The following SEMA6D variants were observed in gnomAD, a reference collection of about 807,000 sequenced individuals.
The protein encoded by SEMA6D is semaphorin-6D.
In SEMA6D, 35 loss-of-function variants were observed where a neutral mutation model predicts 106.6. That is an observed-to-expected ratio of 0.33 (90% CI 0.25 to 0.44). The LOEUF (loss-of-function observed/expected upper bound fraction) is 0.44, where lower values mean the gene tolerates loss of function less well. Ranked by LOEUF, SEMA6D falls within the 20% of genes least tolerant of loss-of-function variation. The probability of loss-of-function intolerance (pLI) is 1.00; values close to 1 mark genes in which losing one functional copy is unlikely to be tolerated. For missense variants in SEMA6D, 1,185 were observed against 1,345.9 expected (o/e 0.88, Z 1.87); for synonymous variants, 499 against 487.7 (o/e 1.02, Z -0.31).
At chr15:47,589,965 A>G (rs76317937) in intron 3 of SEMA6D, among the ~76,000 whole-genome samples, 1 of 152,126 alleles carries the variant, frequency 6.6e-6, no homozygotes, top group African/African-American at 2.4e-5. Flanking sequence ...ATGGTTCTAG[A>G]TTGGGGTCTG....
intron 3 of SEMA6D, among the ~76,000 whole-genome samples, chr15:47,503,760 C>T (rs1240658646): frequency 3.3e-5 from 5 of 152,046 alleles, no homozygotes; most frequent in African/African-American, 7.3e-5. Context: ...GCCTAGGCTG[C>T]GCCACCTCTG....
intron 3 of SEMA6D, among the ~76,000 whole-genome samples, chr15:47,760,666 A>G (rs927135524): frequency 2.4e-4 from 13 of 53,708 alleles, no homozygotes; most frequent in African/African-American, 1.0e-3. Context: ...CAGCAGGGGA[A>G]AAAAAAAAAC....
At chr15:47,454,142 A>G (rs1177620811) in intron 2 of SEMA6D, among the ~76,000 whole-genome samples, 1 of 151,142 alleles carries the variant, frequency 6.6e-6, no homozygotes, top group African/African-American at 2.5e-5. Context: ...TGGTGGATAT[A>G]TACAAGGCTC....
At chr15:47,422,203 T>TTCCG (rs1314943090) in intron 2 of SEMA6D, among the ~76,000 whole-genome samples, 1 of 150,154 alleles carries the variant, frequency 6.7e-6, no homozygotes, top group Non-Finnish European at 1.5e-5. Context: ...CCTTCCTTCC[T>TTCCG]TCCTTCCTTC....
intron 4 of SEMA6D, among the ~76,000 whole-genome samples, chr15:47,678,267 C>G (rs1218334473): frequency 6.6e-6 from 1 of 152,070 alleles, no homozygotes; most frequent in Non-Finnish European, 1.5e-5. Context: ...TCCCCAGCAT[C>G]AAACAATGAG....
At chr15:47,679,065 T>C (rs1052603180) in intron 4 of SEMA6D, among the ~76,000 whole-genome samples, 1 of 152,248 alleles carries the variant, frequency 6.6e-6, no homozygotes, top group East Asian at 1.9e-4. Flanking sequence ...GATATTAAAA[T>C]ATGTCCGATG....
chr15:47,508,417 C>T (rs2044120842), intron 3 of SEMA6D, among the ~76,000 whole-genome samples: 1 of 152,144 alleles, frequency 6.6e-6, no homozygotes, highest in Non-Finnish European at 1.5e-5. Context: ...TCAAGTGTAG[C>T]CAGAGCCGCA....
chr15:47,666,808 G>C (rs1596573469), intron 4 of SEMA6D, among the ~76,000 whole-genome samples: 1 of 152,280 alleles, frequency 6.6e-6, no homozygotes, highest in Non-Finnish European at 1.5e-5. Flanking sequence ...TGTATTTTAA[G>C]TGTTTGAAAG....
intron 4 of SEMA6D, among the ~76,000 whole-genome samples, chr15:47,641,977 C>G (rs1330044559): frequency 1.3e-5 from 2 of 152,174 alleles, no homozygotes; most frequent in African/African-American, 4.8e-5. Context: ...GCCTCCCCTG[C>G]TAGCCTTGAG....
rs529555187 is a variant in SEMA6D, at chr15:47,482,656, G to A, written c.-87+12111G>A. 3.9e-5 allele frequency among the ~76,000 whole-genome samples: 6 copies of A among 152,228 alleles called. No individual in the cohort carries two copies. The South Asian group carries it at 8.3e-4, about 21-fold the overall frequency. On this transcript the variant is annotated intron_variant, in intron 3 of 19. Coordinates refer to the SEMA6D transcript ENST00000558014. ...ATGAATAGGATGACATGGACATAGGGTATGAGGAAAAATGATGAGTAGGAA... is the reference window on the plus strand; with the variant it reads ...ATGAATAGGATGACATGGACATAGGATATGAGGAAAAATGATGAGTAGGAA...
intron 3 of SEMA6D, among the ~76,000 whole-genome samples, chr15:47,584,591 T>G (rs2076305854): frequency 1.3e-5 from 2 of 152,218 alleles, no homozygotes; most frequent in South Asian, 4.1e-4. Flanking sequence ...AATAAAACCC[T>G]GCAAGGGATG....
chr15:47,591,121 T>G (rs566217277), intron 3 of SEMA6D, among the ~76,000 whole-genome samples: 8 of 152,252 alleles, frequency 5.3e-5, no homozygotes, highest in Non-Finnish European at 1.0e-4. Flanking sequence ...GGTGAGGACT[T>G]TCTCCCTGCT....
At chr15:47,300,830 A>T (rs1022014401) in intron 1 of SEMA6D, among the ~76,000 whole-genome samples, 1 of 152,178 alleles carries the variant, frequency 6.6e-6, no homozygotes, top group Admixed American at 6.5e-5. Flanking sequence ...GTTGTATGTC[A>T]TGTAGCCACC....
intron 1 of SEMA6D, among the ~76,000 whole-genome samples, chr15:47,756,043 T>C (rs1455199628): frequency 6.6e-6 from 1 of 152,054 alleles, no homozygotes; most frequent in Non-Finnish European, 1.5e-5. Flanking sequence ...TCATCATATT[T>C]AGTATTTAAC....
intron 1 of SEMA6D, among the ~76,000 whole-genome samples, chr15:47,364,443 A>C (rs559474504): frequency 1.2e-4 from 19 of 152,328 alleles, no homozygotes; most frequent in African/African-American, 3.8e-4. Context: ...TTTTAGTTCA[A>C]ATAGGCTAGC....
chr15:47,582,825 A>G (rs1016515926), intron 3 of SEMA6D, among the ~76,000 whole-genome samples: 6 of 152,184 alleles, frequency 3.9e-5, no homozygotes, highest in African/African-American at 1.4e-4. Context: ...ACCCTCAGCT[A>G]CATACTTGTT....
At chr15:47,440,552 A>G (rs977580787) in intron 2 of SEMA6D, among the ~76,000 whole-genome samples, 4 of 152,030 alleles carry the variant, frequency 2.6e-5, no homozygotes, top group African/African-American at 9.7e-5. Context: ...GCTAAACTTC[A>G]GAAGAGAACT....
At chr15:47,390,628 C>T (rs776924702) in intron 1 of SEMA6D, among the ~76,000 whole-genome samples, 1 of 152,140 alleles carries the variant, frequency 6.6e-6, no homozygotes, top group Non-Finnish European at 1.5e-5. Flanking sequence ...TACCTCAAGA[C>T]ATTTGAAAAT....
intron 2 of SEMA6D, among the ~76,000 whole-genome samples, chr15:47,449,244 T>A (rs2042116664): frequency 6.6e-6 from 1 of 152,102 alleles, no homozygotes; most frequent in Non-Finnish European, 1.5e-5. Flanking sequence ...CAATATTCAA[T>A]ATATGTAGCT....
Sources: allele counts gnomAD v4.1 joint callset (sites outside exome capture counted in the v4.1 genomes callset), GRCh38; gene constraint gnomAD v4.1.1; transcripts MANE v1.5; gene names NCBI Gene and HGNC (gene_info 2026-07-23, HGNC 2026-07-21).